Variants in TBC1D19 observed in about 807,000 individuals in gnomAD.
TBC1D19 encodes TBC1 domain family, member 19.
In TBC1D19, 60 loss-of-function variants were observed where a neutral mutation model predicts 89.0. That is an observed-to-expected ratio of 0.67 (90% CI 0.55 to 0.84). The LOEUF (loss-of-function observed/expected upper bound fraction) is 0.84, where lower values mean the gene tolerates loss of function less well. Among genes scored for constraint, TBC1D19 ranks in the 40% least tolerant of loss-of-function variants. The pLI, the probability that TBC1D19 is intolerant of heterozygous loss-of-function variation, is 0.00. For synonymous variants in TBC1D19, 189 were observed against 199.7 expected (o/e 0.95, Z 0.45); for missense variants, 500 against 610.8 (o/e 0.82, Z 1.91).
At chr4:26,614,052 C>T (rs930760646) in intron 2 of TBC1D19, among the ~76,000 whole-genome samples, 3 of 152,118 alleles carry the variant, frequency 2.0e-5, no homozygotes, top group Admixed American at 1.3e-4. Context: ...TGTTTTTTGC[C>T]GTTCCCTTGG....
At chr4:26,774,300 A>G in the TBC1D19 span, among the ~76,000 whole-genome samples, 97 of 152,384 alleles carry the variant, frequency 6.4e-4, no homozygotes, top group African/African-American at 2.2e-3. Context: ...TTAATCAGCT[A>G]TGCTGATTCC....
intron 7 of TBC1D19, among the ~76,000 whole-genome samples, chr4:26,642,768 A>C (rs1397933695): frequency 1.3e-5 from 2 of 152,220 alleles, no homozygotes; most frequent in African/African-American, 4.8e-5. Flanking sequence ...CAAAAAGAGC[A>C]GGAGTTACAA....
At chr4:26,659,787 G>T in intron 8 of TBC1D19, 80 bp downstream of exon 8, 1 of 794,624 alleles carries the variant, frequency 1.3e-6, no homozygotes, top group Non-Finnish European at 1.9e-6. Flanking sequence ...TGTATGTAAA[G>T]CAATAGGGTA....
rs555049391 is a variant in TBC1D19, at chr4:26,602,709, G to T, written c.100-10460G>T. Among the ~76,000 whole-genome samples, 271 of 151,578 alleles carry T rather than the reference G, an allele frequency of 1.8e-3. 1 individual carries two copies. Among genetic ancestry groups the T allele is most frequent in the African/African-American group, 6.3e-3 (261 of 41,354 alleles). The stretch of plus-strand genomic sequence containing the variant: ...CCCTCCTTGGCCTCCCAAAGTGCTG[G>T]GATTACAGGCGTGAGCCACCACGCC... On this transcript the variant is annotated intron_variant, in intron 1 of 20. Transcript: ENST00000264866.
the TBC1D19 span, among the ~76,000 whole-genome samples, chr4:26,805,250 A>G: frequency 6.6e-6 from 1 of 152,214 alleles, no homozygotes; most frequent in Non-Finnish European, 1.5e-5. Context: ...TGTTGAAACT[A>G]CGGATTCCTG....
chr4:26,730,258 T>C (rs1037082718), intron 15 of TBC1D19, among the ~76,000 whole-genome samples: 1 of 152,136 alleles, frequency 6.6e-6, no homozygotes, highest in African/African-American at 2.4e-5. Flanking sequence ...GATATAGAGA[T>C]ACATAAATAA....
chr4:26,838,182 C>T, the TBC1D19 span, among the ~76,000 whole-genome samples: 5 of 152,184 alleles, frequency 3.3e-5, no homozygotes, highest in Admixed American at 2.6e-4. Flanking sequence ...TCAGCCTACT[C>T]ACCCATGCAA....
At chr4:26,802,153 T>C in the TBC1D19 span, among the ~76,000 whole-genome samples, 3 of 152,100 alleles carry the variant, frequency 2.0e-5, no homozygotes, top group Non-Finnish European at 4.4e-5. Flanking sequence ...TACTACCTTG[T>C]AAACAGGCAA....
At chr4:26,775,492 G>A in the TBC1D19 span, among the ~76,000 whole-genome samples, 2 of 152,112 alleles carry the variant, frequency 1.3e-5, no homozygotes, top group Non-Finnish European at 2.9e-5. Context: ...CCAATATAAT[G>A]GTATGGGAGG....
In TBC1D19 at chr4:26,649,722, T is replaced by A. The variant is rs578143947; in HGVS notation, c.480+9535T>A. On this transcript the variant is annotated intron_variant, in intron 7 of 20. Transcript: ENST00000264866. ...TCTCAACGTTCTAACTTTTTTTTTT[T>A]TTATTATACTTTAAGTTTTAGGGTA... 1.6e-4 allele frequency among the ~76,000 whole-genome samples: 24 copies of A among 152,258 alleles called. No individual in the cohort carries two copies. In the East Asian group the frequency reaches 2.7e-3, roughly 17 times the overall value.
At chr4:26,587,111 T>C (rs1435384027) in intron 1 of TBC1D19, among the ~76,000 whole-genome samples, 1 of 152,208 alleles carries the variant, frequency 6.6e-6, no homozygotes, top group Admixed American at 6.5e-5. Context: ...GTTCATATTA[T>C]TTTTCCTGCT....
chr4:26,827,705 G>T, the TBC1D19 span, among the ~76,000 whole-genome samples: 4 of 140,154 alleles, frequency 2.9e-5, no homozygotes, highest in Admixed American at 7.5e-5. Context: ...TTCTTTTTTT[G>T]TTTTTTGTTT....
At chr4:26,670,104 T>C (rs760980262) in intron 9 of TBC1D19, among the ~76,000 whole-genome samples, 3 of 151,704 alleles carry the variant, frequency 2.0e-5, no homozygotes, top group Non-Finnish European at 4.4e-5. Context: ...TGTTTCATGC[T>C]ATTATAGTGT....
intron 3 of TBC1D19, among the ~76,000 whole-genome samples, chr4:26,619,234 T>C (rs1380136398): frequency 1.3e-5 from 2 of 151,732 alleles, no homozygotes; most frequent in Admixed American, 6.6e-5. Context: ...AGACGGAATC[T>C]TGCTCTGTTG....
the TBC1D19 span, among the ~76,000 whole-genome samples, chr4:26,807,619 C>A: frequency 6.6e-6 from 1 of 152,190 alleles, no homozygotes; most frequent in Admixed American, 6.5e-5. Context: ...ACTTGCTTGG[C>A]GAGTTCATCT....
chr4:26,649,322 CT>C lies in TBC1D19; in HGVS notation c.480+9143del, dbSNP rs1018737290. Among the ~76,000 whole-genome samples, 5 of 151,892 alleles carry C rather than the reference CT, an allele frequency of 3.3e-5. No individual in the cohort carries two copies. In the Middle Eastern group the frequency reaches 0.01, roughly 310 times the overall value. The stretch of plus-strand genomic sequence containing the variant: ...TCATCATAATCTCCTCCACTAGATT[CT>C]TTTTTTTCCCAATACCCCCAGCATT... On this transcript the variant is annotated intron_variant, in intron 7 of 20. Transcript: ENST00000264866.
chr4:26,677,148 A>G (rs1457727573), intron 11 of TBC1D19, among the ~76,000 whole-genome samples: 1 of 152,082 alleles, frequency 6.6e-6, no homozygotes, highest in Non-Finnish European at 1.5e-5. Flanking sequence ...TAGCTCCTGA[A>G]TATCATATTG....
chr4:26,738,052 G>T (rs1718145826), intron 16 of TBC1D19, among the ~76,000 whole-genome samples: 1 of 151,648 alleles, frequency 6.6e-6, no homozygotes, highest in Admixed American at 6.6e-5. Flanking sequence ...TATTTTTATG[G>T]AAGAACCAAA....
In TBC1D19 at chr4:26,616,072, T is replaced by C. The variant is rs11937520; in HGVS notation, c.218+1619T>C. On this transcript the variant is annotated intron_variant, in intron 3 of 20. Transcript: ENST00000264866. ...CTCGTTGGGATTTTTTTTTAAGCAG[T>C]CCAGTGATATTATTTTTATTCCTCA... 4.9e-3 allele frequency among the ~76,000 whole-genome samples: 741 copies of C among 152,116 alleles called. 6 individuals carry two copies. Among genetic ancestry groups the C allele is most frequent in the African/African-American group, 0.016 (662 of 41,504 alleles).
Sources: gnomAD v4.1 joint callset for allele counts (sites outside exome capture counted in the v4.1 genomes callset) on GRCh38, gnomAD v4.1.1 for gene constraint, MANE v1.5 for transcripts, NCBI Gene and HGNC (gene_info 2026-07-23, HGNC 2026-07-21) for gene names.